Variants in SMPX observed in about 807,000 individuals in gnomAD.
SMPX encodes small muscular protein.
In SMPX, 2 loss-of-function variants were observed where a neutral mutation model predicts 6.3. The observed-to-expected ratio is 0.32, with a 90% CI of 0.13 to 0.99. The LOEUF is 0.99. Ranked by LOEUF, SMPX falls within the 50% of genes least tolerant of loss-of-function variation. SMPX has a pLI of 0.49. For missense variants in SMPX, 60 were observed against 66.8 expected, an observed-to-expected ratio of 0.90 and a Z score of 0.36; for synonymous variants, 32 against 24.7, an observed-to-expected ratio of 1.30 and a Z score of -0.88.
chrX:21,738,578 C>T (rs192662508), intron 3 of SMPX, among the ~76,000 whole-genome samples: 3 of 110,545 alleles, frequency 2.7e-5, no homozygotes, highest in Non-Finnish European at 1.9e-5. Context: ...GTTGGAGGAA[C>T]ATTTGATCAC....
chrX:21,749,916 C>G (rs1457304119), intron 2 of SMPX, among the ~76,000 whole-genome samples: 1 of 111,798 alleles, frequency 8.9e-6, no homozygotes. Flanking sequence ...GCACAGGACT[C>G]TTTTTTGGTC....
intron 4 of SMPX, among the ~76,000 whole-genome samples, chrX:21,733,393 C>T (rs1024392170): frequency 3.6e-5 from 4 of 112,225 alleles, no homozygotes; most frequent in African/African-American, 1.3e-4. Context: ...TAGATTCTCA[C>T]GTCTCTACAC....
intron 3 of SMPX, among the ~76,000 whole-genome samples, chrX:21,741,386 T>C (rs1349019608): frequency 8.9e-6 from 1 of 111,986 alleles, no homozygotes; most frequent in Non-Finnish European, 1.9e-5. Flanking sequence ...GTTTGCAAAC[T>C]AGATGATAAT....
At chrX:21,725,026 G>A (rs1356699606) in intron 4 of SMPX, among the ~76,000 whole-genome samples, 23 of 112,169 alleles carry the variant, frequency 2.1e-4, no homozygotes, top group Non-Finnish European at 3.8e-5. Flanking sequence ...CCTGTATGAT[G>A]CCCCTTAAGC....
At chrX:21,752,946 C>T in intron 2 of SMPX, among the ~76,000 whole-genome samples, 1 of 111,887 alleles carries the variant, frequency 8.9e-6, no homozygotes, top group East Asian at 2.8e-4. Flanking sequence ...TCCCATGATC[C>T]TACACCAGTA....
chrX:21,735,341 C>T lies in SMPX; in HGVS notation c.*14+2208G>A, dbSNP rs371009046. On this transcript the variant is annotated intron_variant, in intron 4 of 4. Coordinates refer to ENST00000379494, the MANE Select transcript of SMPX (RefSeq NM_014332.3). ...GACTGTACTCATTTGGAATTCAGAT[C>T]AATTACCCTGACAACTTAGATTTTC... Among the ~76,000 whole-genome samples, 8 of 112,173 alleles carry T rather than the reference C, an allele frequency of 7.1e-5. No homozygotes were observed. The South Asian group carries it at 3.0e-3, about 42-fold the overall frequency.
intron 4 of SMPX, among the ~76,000 whole-genome samples, chrX:21,737,047 C>T (rs1220496342): frequency 8.9e-6 from 1 of 111,934 alleles, no homozygotes; most frequent in Non-Finnish European, 1.9e-5. Flanking sequence ...TTATGGCATC[C>T]TCTTGGTCTG....
intron 4 of SMPX, chrX:21,733,894 T>A: frequency 4.3e-6 from 1 of 232,841 alleles, no homozygotes. Context: ...CCCTGGACAC[T>A]CCATTTGTCC....
intron 4 of SMPX, among the ~76,000 whole-genome samples, chrX:21,725,771 A>G (rs183765427): frequency 8.9e-6 from 1 of 112,302 alleles, no homozygotes; most frequent in African/African-American, 3.2e-5. Context: ...ATCCTCCCAG[A>G]TGTTTGCAAG....
rs141682901 is a variant in SMPX, at chrX:21,750,493, C to T, written c.45+3753G>A. On this transcript the variant is annotated intron_variant, in intron 2 of 4. Transcript: ENST00000379494. ...AGCTGAGTAGTGGGAACAGACCAAA[C>T]GACACGCAAAGCCTAAAATATTTAT... is the stretch of plus-strand genomic sequence containing the variant. Among the ~76,000 whole-genome samples, 28 of 112,109 alleles carry T rather than the reference C, an allele frequency of 2.5e-4. No homozygotes were observed. In the East Asian group the frequency reaches 7.0e-3, roughly 28 times the overall value.
chrX:21,749,328 C>T (rs1038476638), intron 2 of SMPX, among the ~76,000 whole-genome samples: 2 of 112,377 alleles, frequency 1.8e-5, no homozygotes, highest in African/African-American at 6.5e-5. Flanking sequence ...TAACTCGAAG[C>T]CAACTTACTC....
chrX:21,734,105 T>C (rs1432181375), intron 4 of SMPX, among the ~76,000 whole-genome samples: 2 of 112,301 alleles, frequency 1.8e-5, no homozygotes, highest in African/African-American at 6.5e-5. Flanking sequence ...AGCTACCTTT[T>C]GAAGTATTTT....
chrX:21,747,969 C>T (rs768878905), intron 2 of SMPX, among the ~76,000 whole-genome samples: 1 of 112,174 alleles, frequency 8.9e-6, no homozygotes, highest in African/African-American at 3.2e-5. Flanking sequence ...TTTCTTTCTG[C>T]TCTTTCCTAT....
intron 4 of SMPX, among the ~76,000 whole-genome samples, chrX:21,736,928 G>A (rs1312205149): frequency 1.8e-5 from 2 of 110,983 alleles, no homozygotes; most frequent in Non-Finnish European, 3.8e-5. Flanking sequence ...GATCATTATT[G>A]AACAGATGCA....
intron 4 of SMPX, among the ~76,000 whole-genome samples, chrX:21,719,011 G>A (rs2092788434): frequency 8.9e-6 from 1 of 112,433 alleles, no homozygotes; most frequent in Non-Finnish European, 1.9e-5. Context: ...TTTAAAACGT[G>A]TGTGTATGTT....
intron 4 of SMPX, among the ~76,000 whole-genome samples, chrX:21,718,379 T>C (rs2092787638): frequency 8.9e-6 from 1 of 112,418 alleles, no homozygotes; most frequent in East Asian, 2.8e-4. Flanking sequence ...GGGAGTCCCT[T>C]GTCCATTAGC....
intron 4 of SMPX, among the ~76,000 whole-genome samples, chrX:21,728,546 G>A (rs1261385983): frequency 8.9e-6 from 1 of 112,473 alleles, no homozygotes; most frequent in African/African-American, 3.2e-5. Flanking sequence ...CCAGGGTTAT[G>A]TTTCAGTGTT....
intron 2 of SMPX, among the ~76,000 whole-genome samples, chrX:21,752,155 A>G (rs1469413351): frequency 1.8e-5 from 2 of 112,187 alleles, no homozygotes; most frequent in Non-Finnish European, 3.8e-5. Flanking sequence ...GAGAACAGTC[A>G]GTAGCAGCTT....
intron 4 of SMPX, among the ~76,000 whole-genome samples, chrX:21,710,508 C>T (rs1333622918): frequency 9.0e-6 from 1 of 111,690 alleles, no homozygotes; most frequent in African/African-American, 3.3e-5. Flanking sequence ...CTATACAATT[C>T]ATCTGTGTTA....
Sources: gnomAD v4.1 joint callset for allele counts (sites outside exome capture counted in the v4.1 genomes callset) on GRCh38, gnomAD v4.1.1 for gene constraint, MANE v1.5 for transcripts, NCBI Gene and HGNC (gene_info 2026-07-23, HGNC 2026-07-21) for gene names.